Variants in RASA2 observed in about 807,000 individuals in gnomAD.
The protein encoded by RASA2 is RAS p21 protein activator 2, also known as ras GTPase-activating protein 2.
A neutral mutation model predicts 118.2 loss-of-function variants in RASA2; 155 were observed. The ratio of observed to expected loss-of-function variants is 1.31; its 90% CI spans 1.15 to 1.50. The LOEUF is 1.50. RASA2 is among the 40% of genes most tolerant of loss of function. RASA2 has a pLI of 0.00. For synonymous variants in RASA2, 353 were observed against 349.1 expected, an observed-to-expected ratio of 1.01 and a Z score of -0.12; for missense variants, 1,016 against 1,009.6, an observed-to-expected ratio of 1.01 and a Z score of -0.09.
In RASA2 at chr3:141,614,161, ATCTAGCATTTC is replaced by A. The variant is rs2083692483; in HGVS notation, c.*1850_*1860del. The A allele has an allele frequency of 6.6e-6, 1 of 151,978 alleles. No individual in the cohort carries two copies. The highest frequency in any genetic ancestry group is 6.6e-5 in the Admixed American group (1 of 15,252). The allele number at this position is 151,978 out of a possible 1,614,324, so 9.4% of individuals were successfully genotyped here. On this transcript the variant is annotated 3_prime_UTR_variant, in exon 24 of 24. Transcript: ENST00000286364. ...TTTTTTTAAGGCAAAAGAAATATGC[ATCTAGCATTTC>A]TAATACCAAATCCCCAATTGTGATT... is the stretch of plus-strand genomic sequence containing the variant.
chr3:141,586,645 G>C lies in RASA2; in HGVS notation c.1827-1G>C, dbSNP rs758315105. On this transcript the variant is annotated splice_acceptor_variant, in intron 18 of 23. Transcript: ENST00000286364. LOFTEE classifies it high-confidence loss of function. The stretch of plus-strand genomic sequence containing the variant: ...AATGTTTACATCTGTTATGTTGGCA[G>C]TGAGATGTATAAAAGAGCTCAAGGA... 1.3e-6 allele frequency: 2 copies of C among 1,589,172 alleles called. No homozygotes were observed. Among genetic ancestry groups the C allele is most frequent in the Non-Finnish European group, 1.7e-6 (2 of 1,159,010 alleles).
At chr3:141,554,000 A>G in intron 6 of RASA2, 60 bp downstream of exon 6, 1 of 1,551,542 alleles carries the variant, frequency 6.4e-7, no homozygotes, top group South Asian at 1.2e-5. Flanking sequence ...TAAAAATTTA[A>G]AAAGTAAGAT....
At chr3:141,541,575 T>TA (rs1323489197) in intron 5 of RASA2, among the ~76,000 whole-genome samples, 1 of 152,078 alleles carries the variant, frequency 6.6e-6, no homozygotes, top group Non-Finnish European at 1.5e-5. Flanking sequence ...TTAACATTGT[T>TA]ACAATACTTT....
intron 19 of RASA2, among the ~76,000 whole-genome samples, chr3:141,602,379 C>T (rs1012218004): frequency 6.6e-6 from 1 of 152,142 alleles, no homozygotes; most frequent in Non-Finnish European, 1.5e-5. Context: ...GTTGCATGCT[C>T]GTTTCACAAT....
intron 23 of RASA2, among the ~76,000 whole-genome samples, chr3:141,610,297 GTATA>G (rs2083617969): frequency 7.1e-6 from 1 of 139,938 alleles, no homozygotes; most frequent in Non-Finnish European, 1.5e-5. Flanking sequence ...TCATATATAT[GTATA>G]TGAAATTATA....
At chr3:141,532,903 T>C (rs879488244) in intron 4 of RASA2, among the ~76,000 whole-genome samples, 4 of 152,184 alleles carry the variant, frequency 2.6e-5, no homozygotes, top group Non-Finnish European at 5.9e-5. Flanking sequence ...AATATTGTTT[T>C]TTTTCTTTCC....
At position 141,609,868 on chromosome 3, in the gene RASA2, T is replaced by C; in HGVS notation, c.2330-9T>C. ...TCTGATCAGAGATTTATTTTCCTGCTCTTTGTAGAGGCTTGTGGAACTATT... is the reference window on the plus strand; with the variant it reads ...TCTGATCAGAGATTTATTTTCCTGCCCTTTGTAGAGGCTTGTGGAACTATT... On this transcript the variant is annotated splice_polypyrimidine_tract_variant and intron_variant, in intron 22 of 23. Coordinates refer to ENST00000286364, the MANE Select transcript of RASA2 (RefSeq NM_006506.5). The C allele has an allele frequency of 3.3e-6, 5 of 1,537,518 alleles. No homozygotes were observed. The highest frequency in any genetic ancestry group is 3.5e-6 in the Non-Finnish European group (4 of 1,148,296).
At position 141,555,877 on chromosome 3, in the gene RASA2, A is replaced by G. The variant is rs1350021316; in HGVS notation, c.649A>G (p.Ser217Gly). The change falls in exon 7 of 24, where the codon AGC becomes GGC. Residue 217 changes from serine (S) to glycine (G), a missense_variant. Coordinates refer to ENST00000286364, the MANE Select transcript of RASA2 (RefSeq NM_006506.5). Reference protein sequence around the residue: ...QKKTKVKKKTSNPQFNEIFYF... With the variant: ...QKKTKVKKKTGNPQFNEIFYF... ...GAAGACAAAAGTAAAGAAGAAAACA[A>G]GCAATCCGCAGTTTAATGAAATCTT... 2 of 1,612,426 alleles carry G rather than the reference A, an allele frequency of 1.2e-6. No individual in the cohort carries two copies. Among genetic ancestry groups the G allele is most frequent in the Middle Eastern group, 1.7e-4 (1 of 5,736 alleles).
intron 1 of RASA2, among the ~76,000 whole-genome samples, chr3:141,488,851 G>A (rs1205781469): frequency 6.6e-6 from 1 of 152,048 alleles, no homozygotes; most frequent in Non-Finnish European, 1.5e-5. Context: ...CTTGATGCTA[G>A]GCATTGTCTA....
Position 141,612,494 on chromosome 3 carries a change from A to G in RASA2, c.*181A>G. ...TGTTTGGGAATCCTGGTATTGATGTATTACTAGAGAATTTAAAGCCCAAGA... is the reference window on the plus strand; with the variant it reads ...TGTTTGGGAATCCTGGTATTGATGTGTTACTAGAGAATTTAAAGCCCAAGA... On this transcript the variant is annotated 3_prime_UTR_variant, in exon 24 of 24. Coordinates refer to ENST00000286364, the MANE Select transcript of RASA2 (RefSeq NM_006506.5). The G allele has an allele frequency of 1.9e-6, 1 of 516,286 alleles. No homozygotes were observed. Among genetic ancestry groups the G allele is most frequent in the Non-Finnish European group, 3.4e-6 (1 of 295,814 alleles). 32.0% of individuals were successfully genotyped at this position (516,286 alleles called of 1,614,324 possible). A position where few individuals can be genotyped will look rare whatever the true frequency, so the allele number is the denominator to read the frequency against.
intron 19 of RASA2, among the ~76,000 whole-genome samples, chr3:141,599,783 C>A (rs976039670): frequency 7.0e-6 from 1 of 141,924 alleles, no homozygotes; most frequent in African/African-American, 2.5e-5. Flanking sequence ...TCTAATACTT[C>A]TGGATTCCTA....
chr3:141,570,912 G>A lies in RASA2; in HGVS notation c.864G>A (p.Trp288Ter), dbSNP rs896085063. 6.2e-7 allele frequency: 1 copy of A among 1,600,190 alleles called. No individual in the cohort carries two copies. The highest frequency in any genetic ancestry group is 8.5e-7 in the Non-Finnish European group (1 of 1,175,380). Residue 288 changes from tryptophan (W) to a stop codon, truncating the protein, a stop_gained and splice_region_variant, in exon 10 of 24, where the codon TGG becomes TGA. Transcript: ENST00000286364. LOFTEE classifies it high-confidence loss of function. ...VLRTDSSHQA[W>*]YLLQPRDNGN... Reference sequence around the variant, plus strand: ...GGAATCACTTATATTTTTACTTTAGGTACTTGCTACAGCCAAGAGACAATG... The same window carrying A: ...GGAATCACTTATATTTTTACTTTAGATACTTGCTACAGCCAAGAGACAATG...
At chr3:141,511,169 A>G (rs2081945210) in intron 1 of RASA2, among the ~76,000 whole-genome samples, 1 of 152,104 alleles carries the variant, frequency 6.6e-6, no homozygotes, top group South Asian at 2.1e-4. Flanking sequence ...GTAAGAGAGA[A>G]AAATGGTAGA....
intron 9 of RASA2, 23 bp from the exon 10 acceptor site, chr3:141,570,889 A>G (rs1449908421): frequency 1.3e-6 from 2 of 1,586,662 alleles, no homozygotes; most frequent in Non-Finnish European, 1.7e-6. Context: ...CATCACATGG[A>G]ATCACTTATA....
chr3:141,605,655 C>CT (rs1294154417), intron 19 of RASA2, among the ~76,000 whole-genome samples: 1 of 151,952 alleles, frequency 6.6e-6, no homozygotes, highest in Non-Finnish European at 1.5e-5. Context: ...ACATAGGTCT[C>CT]TTCCCCCCCA....
At chr3:141,493,422 C>G (rs1189621794) in intron 1 of RASA2, among the ~76,000 whole-genome samples, 2 of 152,178 alleles carry the variant, frequency 1.3e-5, no homozygotes, top group Non-Finnish European at 2.9e-5. Flanking sequence ...CTGTCACCAT[C>G]ACCTGTGAAC....
chr3:141,515,242 A>G (rs2082005609), intron 2 of RASA2, among the ~76,000 whole-genome samples: 1 of 152,190 alleles, frequency 6.6e-6, no homozygotes, highest in South Asian at 2.1e-4. Context: ...TTTTTTAAAA[A>G]TAGCTTAATT....
intron 19 of RASA2, among the ~76,000 whole-genome samples, chr3:141,598,045 G>A (rs765730800): frequency 6.6e-6 from 1 of 152,120 alleles, no homozygotes; most frequent in Non-Finnish European, 1.5e-5. Flanking sequence ...CTGTATCTCT[G>A]CTTGTGATGA....
chr3:141,562,654 CAAAA>C (rs369710849), intron 9 of RASA2, among the ~76,000 whole-genome samples: 1 of 146,064 alleles, frequency 6.8e-6, no homozygotes, highest in East Asian at 2.1e-4. Flanking sequence ...CAACAACACA[CAAAA>C]AAAAACCAGA....
Sources: gnomAD v4.1 joint callset for allele counts (sites outside exome capture counted in the v4.1 genomes callset) on GRCh38, gnomAD v4.1.1 for gene constraint, MANE v1.5 for transcripts, NCBI Gene and HGNC (gene_info 2026-07-23, HGNC 2026-07-21) for gene names.